DPH6: variants seen among roughly 807,000 people sequenced by gnomAD.
DPH6 encodes the protein diphthine--ammonia ligase.
A neutral mutation model predicts 38.2 loss-of-function variants in DPH6; 33 were observed. The ratio of observed to expected loss-of-function variants is 0.86; its 90% confidence interval spans 0.65 to 1.15. DPH6 has a LOEUF of 1.15. DPH6 is among the 50% of genes most tolerant of loss of function. The pLI, the probability that DPH6 is intolerant of heterozygous loss-of-function variation, is 0.00. For synonymous variants in DPH6, 108 were observed against 103.0 expected, an observed-to-expected ratio of 1.05 and a Z score of -0.30; for missense variants, 325 against 320.0, an observed-to-expected ratio of 1.02 and a Z score of -0.12.
intron 3 of DPH6, among the ~76,000 whole-genome samples, chr15:35,221,212 T>C (rs13380021): frequency 0.057 from 8,670 of 152,314 alleles, 342 homozygotes; most frequent in African/African-American, 0.1. Flanking sequence ...GTCCCACCCC[T>C]ATGGCTTTGC....
Position 35,465,798 on chromosome 15 carries a change from T to C in DPH6, c.313-10978A>G, listed in dbSNP as rs112251380. Among the ~76,000 whole-genome samples the C allele has an allele frequency of 8.9e-3, 1,356 of 152,304 alleles. 21 individuals are homozygous for C. The highest frequency in any genetic ancestry group is 0.031 in the African/African-American group (1,297 of 41,560). ...TATTATTATCTCCCATTGTGGGCTT[T>C]CATTAAATAGGGGAAAAAGTTGTTA... On this transcript the variant is annotated intron_variant, in intron 3 of 8. Coordinates refer to ENST00000256538, the MANE Select transcript of DPH6 (RefSeq NM_080650.4).
chr15:35,232,787 CA>C (rs1311428154), intron 3 of DPH6, among the ~76,000 whole-genome samples: 1 of 152,178 alleles, frequency 6.6e-6, no homozygotes. Context: ...AACATTTTCA[CA>C]GGCAGCCTAG....
At chr15:35,479,650 C>T (rs2054303084) in intron 3 of DPH6, among the ~76,000 whole-genome samples, 1 of 152,066 alleles carries the variant, frequency 6.6e-6, no homozygotes, top group Non-Finnish European at 1.5e-5. Flanking sequence ...ATCTAGCTGC[C>T]TCTTGCGATC....
At chr15:35,497,491 A>C (rs1555406486) in intron 3 of DPH6, among the ~76,000 whole-genome samples, 1 of 152,180 alleles carries the variant, frequency 6.6e-6, no homozygotes, top group Non-Finnish European at 1.5e-5. Flanking sequence ...CTTGCCCTAA[A>C]AGGGTTAACC....
rs911321029 is a variant in DPH6 at position 35,460,019 on chromosome 15, G to T, written c.313-5199C>A. Among the ~76,000 whole-genome samples the T allele has an allele frequency of 2.0e-5, 3 of 152,196 alleles. No individual in the cohort carries two copies. The East Asian group carries it at 5.8e-4, about 29-fold the overall frequency. On this transcript the variant is annotated intron_variant, in intron 3 of 8. Transcript: ENST00000256538. Reference sequence around the variant, plus strand: ...TAAAACACCAAGCCTTTAAATTAAGGACCATCTACCAACCACAGCTGTGCT... The same window carrying T: ...TAAAACACCAAGCCTTTAAATTAAGTACCATCTACCAACCACAGCTGTGCT...
chr15:35,156,645 C>A, the DPH6 span, among the ~76,000 whole-genome samples: 3 of 152,018 alleles, frequency 2.0e-5, no homozygotes, highest in South Asian at 4.2e-4. Flanking sequence ...AGAAAGACTC[C>A]GTTTTTGTCT....
intron 3 of DPH6, among the ~76,000 whole-genome samples, chr15:35,493,809 A>G (rs1214377472): frequency 6.6e-6 from 1 of 152,182 alleles, no homozygotes; most frequent in Non-Finnish European, 1.5e-5. Flanking sequence ...CTATGCACCT[A>G]GCATATAAAC....
chr15:35,311,062 AAACAACAAC>A (rs10648219), intron 3 of DPH6, among the ~76,000 whole-genome samples: 1 of 150,590 alleles, frequency 6.6e-6, no homozygotes, highest in Non-Finnish European at 1.5e-5. Flanking sequence ...GCCACCTCAA[AAACAACAAC>A]AACAACAACA....
intron 3 of DPH6, among the ~76,000 whole-genome samples, chr15:35,305,346 T>C (rs1160958584): frequency 6.9e-6 from 1 of 144,922 alleles, no homozygotes; most frequent in Non-Finnish European, 1.5e-5. Flanking sequence ...TCTTAAAGAA[T>C]GTTGAGCTAT....
chr15:35,424,553 T>C lies in DPH6; in HGVS notation c.506-13657A>G, dbSNP rs541071482. 3.3e-5 allele frequency among the ~76,000 whole-genome samples: 5 copies of C among 151,800 alleles called. No homozygotes were observed. In the East Asian group the frequency reaches 9.6e-4, roughly 29 times the overall value. ...AATTTGAATGTCTTTTATTTCTTTTTCTTGCTTAATTTCTCTGGCTAGGAT... is the reference window on the plus strand; with the variant it reads ...AATTTGAATGTCTTTTATTTCTTTTCCTTGCTTAATTTCTCTGGCTAGGAT... On this transcript the variant is annotated intron_variant, in intron 5 of 8. Coordinates refer to ENST00000256538, the MANE Select transcript of DPH6 (RefSeq NM_080650.4).
chr15:35,317,181 C>T (rs1386868243), intron 3 of DPH6, among the ~76,000 whole-genome samples: 1 of 151,846 alleles, frequency 6.6e-6, no homozygotes, highest in Admixed American at 6.6e-5. Context: ...ATTGCTTGAG[C>T]CTGGAAGGCG....
At chr15:35,504,035 T>G (rs988122710) in intron 3 of DPH6, among the ~76,000 whole-genome samples, 11 of 152,110 alleles carry the variant, frequency 7.2e-5, no homozygotes, top group African/African-American at 2.4e-4. Flanking sequence ...TGTCACTATC[T>G]TCTATTCTGA....
At chr15:35,212,452 T>C (rs2140379469), downstream of DPH6, among the ~76,000 whole-genome samples, 1 of 152,206 alleles carries the variant, frequency 6.6e-6, no homozygotes, top group African/African-American at 2.4e-5. Context: ...GATCCAATGC[T>C]GAGAATGCTG....
chr15:35,319,091 T>C (rs929010706), intron 3 of DPH6, among the ~76,000 whole-genome samples: 5 of 152,186 alleles, frequency 3.3e-5, no homozygotes, highest in African/African-American at 9.7e-5. Context: ...AGAAATACTC[T>C]GAATGTGCAG....
At chr15:35,173,380 A>G in the DPH6 span, among the ~76,000 whole-genome samples, 5 of 152,148 alleles carry the variant, frequency 3.3e-5, no homozygotes, top group East Asian at 1.9e-4. Context: ...AACCACTTAA[A>G]TATGCCTATT....
At chr15:35,457,112 C>A (rs2054006820) in intron 3 of DPH6, among the ~76,000 whole-genome samples, 1 of 151,870 alleles carries the variant, frequency 6.6e-6, no homozygotes, top group Admixed American at 6.6e-5. Flanking sequence ...TACCACCATG[C>A]CCAGCTATTT....
chr15:35,480,189 G>A (rs980623544), intron 3 of DPH6, among the ~76,000 whole-genome samples: 5 of 151,962 alleles, frequency 3.3e-5, no homozygotes, highest in African/African-American at 4.8e-5. Flanking sequence ...TTTCCCCTGG[G>A]ATGGGTTTGA....
the DPH6 span, among the ~76,000 whole-genome samples, chr15:35,193,060 C>T: frequency 2.0e-5 from 3 of 152,170 alleles, no homozygotes; most frequent in Non-Finnish European, 4.4e-5. Context: ...GAATGCCTCA[C>T]ACATTTATAA....
intron 3 of DPH6, among the ~76,000 whole-genome samples, chr15:35,325,625 A>C (rs1262083548): frequency 6.6e-6 from 1 of 151,256 alleles, no homozygotes; most frequent in Admixed American, 6.6e-5. Context: ...GGTAAACAAT[A>C]AACTTTCTAG....
Sources: allele counts gnomAD v4.1 joint callset (sites outside exome capture counted in the v4.1 genomes callset), GRCh38; gene constraint gnomAD v4.1.1; transcripts MANE v1.5; gene names NCBI Gene and HGNC (gene_info 2026-07-23, HGNC 2026-07-21).